Variants in MCM5 observed in about 807,000 individuals in gnomAD.
MCM5 encodes DNA replication licensing factor MCM5.
MCM5 carries 46 observed loss-of-function variants against 79.9 expected under a neutral mutation model. The ratio of observed to expected loss-of-function variants is 0.58; its 90% CI spans 0.45 to 0.74. The LOEUF is 0.74. MCM5 is among the 30% of genes least tolerant of loss of function. MCM5 has a pLI of 0.00. For synonymous variants in MCM5, 404 were observed against 390.5 expected (o/e 1.03, Z -0.41); for missense variants, 883 against 1,017.0 (o/e 0.87, Z 1.79).
intron 15 of MCM5, chr22:35,422,991 T>C (rs1932733184): frequency 2.6e-6 from 1 of 391,734 alleles, no homozygotes; most frequent in South Asian, 8.7e-5. Context: ...GAGACAGGTG[T>C]GTTCCTGCCT....
Position 35,403,413 on chromosome 22 carries a change from G to A in MCM5, c.295-1G>A. On this transcript the variant is annotated splice_acceptor_variant, in intron 3 of 16. Coordinates refer to ENST00000216122, the MANE Select transcript of MCM5 (RefSeq NM_006739.4). LOFTEE classifies it high-confidence loss of function. ...TAGCCTGTGCCCTTCCCTTTCTCCA[G>A]CTGGAGGAAGCTGCCAAGGAGGTAG... The A allele has an allele frequency of 6.2e-7, 1 of 1,614,204 alleles. No individual in the cohort carries two copies. Among genetic ancestry groups the A allele is most frequent in the Non-Finnish European group, 8.5e-7 (1 of 1,180,036 alleles).
chr22:35,411,351 G>A (rs1009014830), intron 7 of MCM5: 13 of 156,796 alleles, frequency 8.3e-5, no homozygotes, highest in African/African-American at 2.9e-4. Context: ...AAGGAGGTCT[G>A]AGAAGGAGGA....
chr22:35,415,368 G>T (rs1196703902), intron 9 of MCM5, among the ~76,000 whole-genome samples: 1 of 152,198 alleles, frequency 6.6e-6, no homozygotes, highest in Non-Finnish European at 1.5e-5. Flanking sequence ...CACGATTAAG[G>T]ACATCTCAGT....
In MCM5 at chr22:35,412,771, C is replaced by CT. The variant is rs202039095; in HGVS notation, c.1091+96dup. 1.0e-5 allele frequency: 12 copies of CT among 1,144,638 alleles called. No homozygotes were observed. The East Asian group carries it at 2.4e-4, about 23-fold the overall frequency. The allele number at this position is 1,144,638 out of a possible 1,614,324, so 70.9% of individuals were successfully genotyped here. On this transcript the variant is annotated intron_variant, in intron 8 of 16. Transcript: ENST00000216122. ...TACTGGATAATCAGGACTGGGCACT[C>CT]TTTTTTGTATTTCCTGGGCCCCTCA...
the MCM5 span, among the ~76,000 whole-genome samples, chr22:35,432,021 C>T: frequency 6.6e-6 from 1 of 152,188 alleles, no homozygotes; most frequent in African/African-American, 2.4e-5. Context: ...GAGATAATGA[C>T]CGTACCTACA....
chr22:35,416,970 A>G (rs1932562821), intron 12 of MCM5, among the ~76,000 whole-genome samples, 156 bp downstream of exon 12: 1 of 152,104 alleles, frequency 6.6e-6, no homozygotes, highest in Non-Finnish European at 1.5e-5. Flanking sequence ...GTTGTTGTGG[A>G]CTGCAGAGGA....
intron 13 of MCM5, among the ~76,000 whole-genome samples, chr22:35,418,150 C>T (rs1932595567): frequency 1.3e-5 from 2 of 152,110 alleles, no homozygotes; most frequent in Non-Finnish European, 2.9e-5. Context: ...TAGACATGGG[C>T]TCTGGGTCAT....
At chr22:35,437,059 T>G in the MCM5 span, among the ~76,000 whole-genome samples, 5 of 152,208 alleles carry the variant, frequency 3.3e-5, no homozygotes, top group Non-Finnish European at 5.9e-5. Context: ...CACAAACTTC[T>G]GACTTCTGGG....
At chr22:35,430,196 G>A (rs920318638), downstream of MCM5, among the ~76,000 whole-genome samples, 6 of 152,192 alleles carry the variant, frequency 3.9e-5, no homozygotes, top group Non-Finnish European at 7.3e-5. Context: ...ACAGGGTGAC[G>A]GAGTCCATGG....
In MCM5 at chr22:35,408,462, C is replaced by G. The variant is rs1281243641; in HGVS notation, c.651C>G (p.Asp217Glu). Residue 217 changes from aspartate to glutamate, a missense_variant, in exon 6 of 17, where the codon GAC (aspartate) becomes GAG (glutamate). Physicochemically the swap from Asp to Glu is conservative, Grantham distance 45. Coordinates refer to ENST00000216122, the MANE Select transcript of MCM5 (RefSeq NM_006739.4). ...TGGACCCGTACTTCATCATGCCCGA[C>G]AAATGCAAATGCGTGGACTTCCAGA... ...CPLDPYFIMPDKCKCVDFQTL... is the reference protein window; with the variant it reads ...CPLDPYFIMPEKCKCVDFQTL... 2 of 1,614,230 alleles carry G rather than the reference C, an allele frequency of 1.2e-6. No homozygotes were observed. Among genetic ancestry groups the G allele is most frequent in the Non-Finnish European group, 1.7e-6 (2 of 1,180,026 alleles).
intron 2 of MCM5, 97 bp from the exon 3 acceptor site, chr22:35,403,110 G>C: frequency 2.1e-6 from 3 of 1,436,490 alleles, no homozygotes; most frequent in Non-Finnish European, 2.9e-6. Flanking sequence ...GGTGGCTGTG[G>C]TGTGGGCAGA....
At chr22:35,426,258 C>T (rs1324980655), downstream of MCM5, among the ~76,000 whole-genome samples, 2 of 152,172 alleles carry the variant, frequency 1.3e-5, no homozygotes, top group South Asian at 2.1e-4. Flanking sequence ...AAGAGAGGCC[C>T]CTGAGCCAGG....
At chr22:35,443,404 G>T in the MCM5 span, among the ~76,000 whole-genome samples, 1 of 152,132 alleles carries the variant, frequency 6.6e-6, no homozygotes, top group African/African-American at 2.4e-5. Context: ...GGCCAGGCTG[G>T]TCTCAAACTC....
At chr22:35,423,469 C>T (rs1932745085) in intron 16 of MCM5, 128 bp downstream of exon 16, 1 of 1,050,494 alleles carries the variant, frequency 9.5e-7, no homozygotes, top group Non-Finnish European at 1.3e-6. Flanking sequence ...GGACAACTGT[C>T]CCTTTCTCAG....
At position 35,406,685 on chromosome 22, in the gene MCM5, C is replaced by T. The variant is rs780715628; in HGVS notation, c.556C>T (p.Pro186Ser). Residue 186 changes from proline (P) to serine (S), a missense_variant, in exon 5 of 17, where the codon CCT (proline) becomes TCT (serine). This residue lies in a region of MCM5 where 455 missense variants were observed against 517.5 expected (regional missense o/e 0.88). Coordinates refer to ENST00000216122, the MANE Select transcript of MCM5 (RefSeq NM_006739.4). ...RNTLTNIAMR[P>S]GLEGYALPRK... ...CACCCTCACCAACATTGCCATGCGC[C>T]CTGGCCTCGAGGGCTATGCCCTGCC... 2.0e-5 allele frequency: 33 copies of T among 1,610,690 alleles called. No homozygotes were observed. Among genetic ancestry groups the T allele is most frequent in the Admixed American group, 1.5e-4 (9 of 60,008 alleles).
chr22:35,406,614 G>A lies in MCM5; in HGVS notation c.485G>A (p.Arg162His), dbSNP rs749774879. 21 of 1,613,426 alleles carry A rather than the reference G, an allele frequency of 1.3e-5. No homozygotes were observed. Among genetic ancestry groups the A allele is most frequent in the Admixed American group, 8.3e-5 (5 of 60,020 alleles). The part of the protein sequence containing the change: ...PGIIIAASAV[R>H]AKATRISIQC... ...ATCATCATCGCGGCCTCTGCGGTCC[G>A]TGCCAAGGCCACCCGCATCTCTATC... is the stretch of plus-strand genomic sequence containing the variant. Residue 162 changes from arginine to histidine, a missense_variant, in exon 5 of 17, where the codon CGT becomes CAT. Around this residue, in one of 3 missense-constraint regions of MCM5, gnomAD observed 455 missense variants for 517.5 expected, o/e 0.88. Coordinates refer to ENST00000216122, the MANE Select transcript of MCM5 (RefSeq NM_006739.4).
At chr22:35,448,801 A>G in the MCM5 span, among the ~76,000 whole-genome samples, 1 of 152,194 alleles carries the variant, frequency 6.6e-6, no homozygotes, top group Non-Finnish European at 1.5e-5. Flanking sequence ...GGATCAACAG[A>G]TGGAGTGACT....
Position 35,412,497 on chromosome 22 carries a change from T to C in MCM5, c.920-13T>C. On this transcript the variant is annotated splice_polypyrimidine_tract_variant and intron_variant, in intron 7 of 16. Transcript: ENST00000216122. The stretch of plus-strand genomic sequence containing the variant: ...CCCTTGTACTCACTCATGCGCCTGC[T>C]TTGCCTACCAAGGCCGCAGCTTTGC... The C allele has an allele frequency of 6.5e-7, 1 of 1,528,318 alleles. No homozygotes were observed. The highest frequency in any genetic ancestry group is 8.8e-7 in the Non-Finnish European group (1 of 1,135,448). 94.7% of individuals were successfully genotyped at this position (1,528,318 alleles called of 1,614,324 possible).
chr22:35,424,486 C>T lies in MCM5; in HGVS notation c.*231C>T, dbSNP rs954688390. On this transcript the variant is annotated 3_prime_UTR_variant, in exon 17 of 17. Transcript: ENST00000216122. ...TTTTGGCATCCGTTAATAATAAAGC[C>T]ACGGTGTGTTCAGGTATCTGTGGGT... The T allele has an allele frequency of 4.2e-6, 2 of 472,670 alleles. No homozygotes were observed. The highest frequency in any genetic ancestry group is 7.5e-6 in the Non-Finnish European group (2 of 266,344). The allele number at this position is 472,670 out of a possible 1,614,324, so 29.3% of individuals were successfully genotyped here.
Sources: allele counts gnomAD v4.1 joint callset (sites outside exome capture counted in the v4.1 genomes callset), GRCh38; gene constraint gnomAD v4.1.1; regional missense constraint gnomAD v4.1.1; transcripts MANE v1.5; gene names NCBI Gene and HGNC (gene_info 2026-07-23, HGNC 2026-07-21).